The following ITGBL1 variants were observed in gnomAD, a reference collection of about 807,000 sequenced individuals.
ITGBL1 encodes the protein integrin beta-like protein 1.
A neutral mutation model predicts 68.5 loss-of-function variants in ITGBL1; 51 were observed. The observed-to-expected ratio is 0.74, with a 90% CI of 0.59 to 0.94. ITGBL1 has a LOEUF of 0.94. ITGBL1 is among the 40% of genes least tolerant of loss of function. The pLI, the probability that ITGBL1 is intolerant of heterozygous loss-of-function variation, is 0.00. For missense variants in ITGBL1, 649 were observed against 647.4 expected (o/e 1.00, Z -0.03); for synonymous variants, 209 against 227.3 (o/e 0.92, Z 0.72).
chr13:101,589,960 TAAAG>T (rs1260953718), intron 6 of ITGBL1, among the ~76,000 whole-genome samples: 1 of 151,936 alleles, frequency 6.6e-6, no homozygotes, highest in Non-Finnish European at 1.5e-5. Context: ...GATATAAAAA[TAAAG>T]CTGCAATAAT....
At chr13:101,626,964 G>C (rs998337739) in intron 7 of ITGBL1, among the ~76,000 whole-genome samples, 1 of 152,282 alleles carries the variant, frequency 6.6e-6, no homozygotes, top group East Asian at 1.9e-4. Context: ...CAGAAGATCT[G>C]AGTGAAATCC....
chr13:101,600,484 A>T (rs2030298329), intron 7 of ITGBL1, among the ~76,000 whole-genome samples: 1 of 152,044 alleles, frequency 6.6e-6, no homozygotes, highest in Non-Finnish European at 1.5e-5. Flanking sequence ...GTTGAATAGG[A>T]GTGGTGAGAG....
In ITGBL1 at chr13:101,453,999, G is replaced by A; in HGVS notation, c.215G>A (p.Gly72Asp). The A allele has an allele frequency of 1.3e-6, 2 of 1,565,298 alleles. No homozygotes were observed. Among genetic ancestry groups the A allele is most frequent in the Non-Finnish European group, 1.7e-6 (2 of 1,155,816 alleles). The change falls in exon 2 of 11, where the codon GGC becomes GAC. Residue 72 changes from glycine (G) to aspartate (D), a missense_variant. Coordinates refer to ENST00000376180, the MANE Select transcript of ITGBL1 (RefSeq NM_004791.3). ...LCHGRGRCDC[G>D]VCICHVTEPG... Reference sequence around the variant, plus strand: ...CACGGCCGGGGCCGCTGCGACTGCGGCGTCTGCATCTGCCACGTGACTGAG... The same window carrying A: ...CACGGCCGGGGCCGCTGCGACTGCGACGTCTGCATCTGCCACGTGACTGAG...
At chr13:101,604,887 T>TATATGTATATATATATATACAC in intron 7 of ITGBL1, among the ~76,000 whole-genome samples, 682 of 22,168 alleles carry the variant, frequency 0.031, 60 homozygotes, top group Non-Finnish European at 0.044. Flanking sequence ...TATATATATA[T>TATATGTATATATATATATACAC]ACACACACAC....
intron 7 of ITGBL1, among the ~76,000 whole-genome samples, chr13:101,601,351 G>A (rs914081818): frequency 9.9e-5 from 15 of 151,960 alleles, no homozygotes; most frequent in African/African-American, 2.2e-4. Context: ...TCTTGCTACC[G>A]GTCTATCAAT....
intron 7 of ITGBL1, among the ~76,000 whole-genome samples, chr13:101,638,535 C>T (rs2032252336): frequency 1.3e-5 from 2 of 152,136 alleles, no homozygotes; most frequent in Admixed American, 1.3e-4. Context: ...AATGGAGTCA[C>T]AGTTCCACAT....
At chr13:101,615,226 C>T (rs1005635573) in intron 7 of ITGBL1, among the ~76,000 whole-genome samples, 4 of 152,178 alleles carry the variant, frequency 2.6e-5, no homozygotes, top group African/African-American at 9.6e-5. Flanking sequence ...TCTCCTTTCT[C>T]CCATAAGCAC....
intron 7 of ITGBL1, among the ~76,000 whole-genome samples, chr13:101,653,206 A>AGAAAGGAAGGAAG (rs2032809657): frequency 2.0e-5 from 3 of 151,358 alleles, no homozygotes; most frequent in Admixed American, 1.3e-4. Flanking sequence ...AGGGGAGGAA[A>AGAAAGGAAGGAAG]GGAGAAAGGA....
At chr13:101,637,623 G>T (rs866536532) in intron 7 of ITGBL1, among the ~76,000 whole-genome samples, 2 of 152,106 alleles carry the variant, frequency 1.3e-5, no homozygotes, top group Non-Finnish European at 2.9e-5. Context: ...GATTACAGGC[G>T]TGAGCCACCA....
rs760886319 is a variant in ITGBL1 at position 101,605,672 on chromosome 13, ATG to A, written c.1015+7377_1015+7378del. ...TGCGTATGCACGTATGTAGACATGT[ATG>A]TGTTTATGCGTATACACGTATGTAG... On this transcript the variant is annotated intron_variant, in intron 7 of 10. Coordinates refer to ENST00000376180, the MANE Select transcript of ITGBL1 (RefSeq NM_004791.3). Among the ~76,000 whole-genome samples the A allele has an allele frequency of 2.6e-4, 40 of 151,604 alleles. 2 individuals carry two copies. The highest frequency in any genetic ancestry group is 2.2e-3 in the Admixed American group (34 of 15,172).
chr13:101,496,046 GCAGATA>G (rs1262606045), intron 2 of ITGBL1, among the ~76,000 whole-genome samples: 1 of 151,940 alleles, frequency 6.6e-6, no homozygotes, highest in Admixed American at 6.6e-5. Flanking sequence ...TTATCTACAT[GCAGATA>G]CCCACCATTT....
At chr13:101,672,806 TGTG>T in intron 7 of ITGBL1, among the ~76,000 whole-genome samples, 1 of 152,290 alleles carries the variant, frequency 6.6e-6, no homozygotes, top group East Asian at 1.9e-4. Context: ...CCATTCCATG[TGTG>T]CGTGTCCATG....
intron 6 of ITGBL1, among the ~76,000 whole-genome samples, chr13:101,591,288 G>A (rs914014862): frequency 4.6e-5 from 7 of 152,208 alleles, no homozygotes; most frequent in Admixed American, 2.6e-4. Context: ...AGCATAAACC[G>A]TTACAAAAAT....
chr13:101,606,466 C>T lies in ITGBL1; in HGVS notation c.1015+8167C>T, dbSNP rs535285810. ...TCCTGGGAGTAAAGGTGGGAAAACACTTTCTCTAGTCTCCTAGTGTTGTGC... is the reference window on the plus strand; with the variant it reads ...TCCTGGGAGTAAAGGTGGGAAAACATTTTCTCTAGTCTCCTAGTGTTGTGC... On this transcript the variant is annotated intron_variant, in intron 7 of 10. Transcript: ENST00000376180. 1.6e-4 allele frequency among the ~76,000 whole-genome samples: 25 copies of T among 151,898 alleles called. No homozygotes were observed. In the South Asian group the frequency reaches 5.2e-3, roughly 32 times the overall value.
rs187781131 is a variant in ITGBL1 at position 101,630,792 on chromosome 13, G to A, written c.1015+32493G>A. 2.6e-5 allele frequency among the ~76,000 whole-genome samples: 4 copies of A among 152,176 alleles called. No individual in the cohort carries two copies. In the East Asian group the frequency reaches 7.7e-4, roughly 29 times the overall value. Reference sequence around the variant, plus strand: ...CAAGTGTACTTTTATTTTCTTTGTTGTTATCTCTTTCTTACCTGCTCCCTT... The same window carrying A: ...CAAGTGTACTTTTATTTTCTTTGTTATTATCTCTTTCTTACCTGCTCCCTT... On this transcript the variant is annotated intron_variant, in intron 7 of 10. Transcript: ENST00000376180.
At chr13:101,494,694 A>C (rs1248849307) in intron 2 of ITGBL1, among the ~76,000 whole-genome samples, 1 of 152,220 alleles carries the variant, frequency 6.6e-6, no homozygotes, top group Non-Finnish European at 1.5e-5. Flanking sequence ...GTGGTAATTT[A>C]CAGTCATTAA....
intron 6 of ITGBL1, among the ~76,000 whole-genome samples, chr13:101,591,336 G>A (rs780068654): frequency 6.6e-6 from 1 of 152,146 alleles, no homozygotes; most frequent in African/African-American, 2.4e-5. Flanking sequence ...CATATGTCAT[G>A]TATGTTTATT....
At chr13:101,563,203 A>G (rs1446770639) in intron 2 of ITGBL1, among the ~76,000 whole-genome samples, 1 of 151,398 alleles carries the variant, frequency 6.6e-6, no homozygotes, top group Non-Finnish European at 1.5e-5. Context: ...GAACAGAAGA[A>G]GTGTTTAAAA....
At chr13:101,713,560 C>A (rs182371253) in intron 9 of ITGBL1, 1 of 152,266 alleles carries the variant, frequency 6.6e-6, no homozygotes. Context: ...ATTGTAAAGT[C>A]TTTCCTGCTG....
Sources: allele counts gnomAD v4.1 joint callset (sites outside exome capture counted in the v4.1 genomes callset), GRCh38; gene constraint gnomAD v4.1.1; transcripts MANE v1.5; gene names NCBI Gene and HGNC (gene_info 2026-07-23, HGNC 2026-07-21).